DNAJC1: variants seen among roughly 807,000 people sequenced by gnomAD.
DNAJC1 encodes DnaJ heat shock protein family (Hsp40) member C1, also known as dnaJ homolog subfamily C member 1.
A neutral mutation model predicts 76.6 loss-of-function variants in DNAJC1; 58 were observed. The observed-to-expected ratio is 0.76, with a 90% confidence interval of 0.61 to 0.94. The LOEUF is 0.94. DNAJC1 is among the 40% of genes least tolerant of loss of function. The probability of loss-of-function intolerance (pLI) is 0.00; values close to 1 mark genes in which losing one functional copy is unlikely to be tolerated. For synonymous variants in DNAJC1, 258 were observed against 267.9 expected (o/e 0.96, Z 0.36); for missense variants, 689 against 677.3 (o/e 1.02, Z -0.19).
intron 1 of DNAJC1, among the ~76,000 whole-genome samples, chr10:21,973,008 G>A (rs1374494728): frequency 6.6e-6 from 1 of 152,002 alleles, no homozygotes; most frequent in Non-Finnish European, 1.5e-5. Flanking sequence ...ATAGTTAACT[G>A]AAGTAAAGAA....
chr10:21,977,419 C>G (rs1013015927), intron 1 of DNAJC1, among the ~76,000 whole-genome samples: 2 of 152,090 alleles, frequency 1.3e-5, no homozygotes, highest in Non-Finnish European at 2.9e-5. Flanking sequence ...TAGACATCCA[C>G]GTGAACTAAA....
intron 8 of DNAJC1, among the ~76,000 whole-genome samples, chr10:21,849,084 G>A (rs183238510): frequency 6.6e-6 from 1 of 152,088 alleles, no homozygotes; most frequent in East Asian, 1.9e-4. Flanking sequence ...GATGTCAGGA[G>A]TTCAAGACCA....
intron 7 of DNAJC1, among the ~76,000 whole-genome samples, chr10:21,888,613 A>G (rs1422940009): frequency 6.6e-6 from 1 of 152,344 alleles, no homozygotes; most frequent in Admixed American, 6.5e-5. Context: ...GAATGAGATC[A>G]TGTCTTTTGC....
rs533481184 is a variant in DNAJC1 at position 21,895,447 on chromosome 10, T to C, written c.820+9075A>G. On this transcript the variant is annotated intron_variant, in intron 7 of 11. Transcript: ENST00000376980. Reference sequence around the variant, plus strand: ...TGTGGAAGGCAGAACTTAAGAGCAATGGGCTAGGTTATTTTGTGGATGACA... The same window carrying C: ...TGTGGAAGGCAGAACTTAAGAGCAACGGGCTAGGTTATTTTGTGGATGACA... Among the ~76,000 whole-genome samples, 5 of 152,334 alleles carry C rather than the reference T, an allele frequency of 3.3e-5. No homozygotes were observed. The South Asian group carries it at 1.0e-3, about 32-fold the overall frequency.
intron 9 of DNAJC1, among the ~76,000 whole-genome samples, chr10:21,804,433 C>A (rs1278377926): frequency 6.6e-6 from 1 of 151,780 alleles, no homozygotes; most frequent in Non-Finnish European, 1.5e-5. Flanking sequence ...GTATTAATAG[C>A]AGCTATGTAA....
intron 1 of DNAJC1, among the ~76,000 whole-genome samples, chr10:22,000,967 A>T (rs533327019): frequency 2.6e-5 from 4 of 152,140 alleles, no homozygotes; most frequent in South Asian, 4.1e-4. Flanking sequence ...ACAACACAAC[A>T]ATTACCCACA....
Position 21,827,522 on chromosome 10 carries a change from G to C in DNAJC1, c.979-21423C>G, listed in dbSNP as rs527942952. Reference sequence around the variant, plus strand: ...TTTGGCAGGGTTAGTTCCTTTTGGAGGCTCTGAGGGAGAATCTGTTCCACA... The same window carrying C: ...TTTGGCAGGGTTAGTTCCTTTTGGACGCTCTGAGGGAGAATCTGTTCCACA... On this transcript the variant is annotated intron_variant, in intron 8 of 11. Coordinates refer to ENST00000376980, the MANE Select transcript of DNAJC1 (RefSeq NM_022365.4). Among the ~76,000 whole-genome samples the C allele has an allele frequency of 2.0e-5, 3 of 152,320 alleles. No individual in the cohort carries two copies. In the South Asian group the frequency reaches 6.2e-4, roughly 32 times the overall value.
chr10:21,820,355 T>C (rs1448184674), intron 8 of DNAJC1, among the ~76,000 whole-genome samples: 1 of 152,262 alleles, frequency 6.6e-6, no homozygotes, highest in African/African-American at 2.4e-5. Context: ...TTCTACTTTT[T>C]GATTATTAAA....
intron 7 of DNAJC1, among the ~76,000 whole-genome samples, chr10:21,886,917 A>C (rs1347113434): frequency 6.6e-6 from 1 of 152,214 alleles, no homozygotes; most frequent in Non-Finnish European, 1.5e-5. Context: ...AAAGAAATAA[A>C]GCACATTCAA....
intron 9 of DNAJC1, among the ~76,000 whole-genome samples, chr10:21,804,660 C>CAAAAAAAAAAA (rs56713100): frequency 1.0e-5 from 1 of 99,804 alleles, no homozygotes. Flanking sequence ...TGAAACACAG[C>CAAAAAAAAAAA]AAAAAAAAAA....
At chr10:21,809,317 A>G (rs1402500304) in intron 8 of DNAJC1, among the ~76,000 whole-genome samples, 1 of 151,952 alleles carries the variant, frequency 6.6e-6, no homozygotes, top group Non-Finnish European at 1.5e-5. Flanking sequence ...GCTCATTTCT[A>G]TCTAATAAAT....
intron 7 of DNAJC1, among the ~76,000 whole-genome samples, chr10:21,903,271 C>T (rs555874491): frequency 1.3e-5 from 2 of 152,238 alleles, no homozygotes; most frequent in East Asian, 1.9e-4. Flanking sequence ...TGTGATTAGT[C>T]TGAAAAGGCT....
chr10:21,921,124 C>T (rs1026747498), intron 3 of DNAJC1, among the ~76,000 whole-genome samples, 161 bp from the exon 4 acceptor site: 20 of 151,946 alleles, frequency 1.3e-4, no homozygotes, highest in Non-Finnish European at 5.9e-5. Context: ...ATTCAAAGCA[C>T]TGTAGATAGC....
chr10:21,951,254 A>G (rs1837590243), intron 1 of DNAJC1, among the ~76,000 whole-genome samples: 1 of 151,980 alleles, frequency 6.6e-6, no homozygotes, highest in African/African-American at 2.4e-5. Context: ...TGGGAGGCAG[A>G]GGTTGCAGTG....
intron 8 of DNAJC1, among the ~76,000 whole-genome samples, chr10:21,837,886 G>A (rs1238828407): frequency 1.1e-4 from 14 of 124,140 alleles, no homozygotes; most frequent in South Asian, 2.6e-4. Context: ...GGCAGCCCCC[G>A]CCCGGCCAGC....
chr10:21,920,796 AC>A lies in DNAJC1; in HGVS notation c.537+1del. The A allele has an allele frequency of 6.2e-7, 1 of 1,607,352 alleles. No individual in the cohort carries two copies. ...TTCATTTGATTTATTACTAACACTT[AC>A]CAGTTGTTTTTCCAGGTAGATTGAC... On this transcript the variant is annotated splice_donor_variant, in intron 4 of 11. Coordinates refer to ENST00000376980, the MANE Select transcript of DNAJC1 (RefSeq NM_022365.4). LOFTEE classifies it high-confidence loss of function.
intron 9 of DNAJC1, among the ~76,000 whole-genome samples, chr10:21,790,510 C>A (rs1276277934): frequency 1.3e-5 from 1 of 77,320 alleles, no homozygotes; most frequent in Non-Finnish European, 2.9e-5. Flanking sequence ...CAATAAATTG[C>A]CAAAAAAAAA....
chr10:21,946,430 C>A (rs1837506411), intron 1 of DNAJC1, among the ~76,000 whole-genome samples: 1 of 151,992 alleles, frequency 6.6e-6, no homozygotes, highest in South Asian at 2.1e-4. Context: ...AAGTGAGATA[C>A]CACTACATAC....
chr10:21,868,929 C>G (rs1836055257), intron 8 of DNAJC1, among the ~76,000 whole-genome samples: 1 of 151,932 alleles, frequency 6.6e-6, no homozygotes, highest in Non-Finnish European at 1.5e-5. Flanking sequence ...TTCTTTGTAG[C>G]AATAGGATAC....
Sources: gnomAD v4.1 joint callset for allele counts (sites outside exome capture counted in the v4.1 genomes callset) on GRCh38, gnomAD v4.1.1 for gene constraint, MANE v1.5 for transcripts, NCBI Gene and HGNC (gene_info 2026-07-23, HGNC 2026-07-21) for gene names.